SGPP2: variants seen among roughly 807,000 people sequenced by gnomAD.
The protein encoded by SGPP2 is sphingosine 1-phosphate phosphohydrolase 2.
In SGPP2, 30 loss-of-function variants were observed where a neutral mutation model predicts 33.9. The ratio of observed to expected loss-of-function variants is 0.89; its 90% CI spans 0.66 to 1.20. SGPP2 has a LOEUF of 1.20. Among genes scored for constraint, SGPP2 ranks in the 50% most tolerant of loss-of-function variants. The pLI, the probability that SGPP2 is intolerant of heterozygous loss-of-function variation, is 0.00. For missense variants in SGPP2, 458 were observed against 532.1 expected (o/e 0.86, Z 1.37); for synonymous variants, 233 against 225.0 (o/e 1.04, Z -0.32).
At chr2:222,519,742 T>C (rs1698655439) in intron 2 of SGPP2, among the ~76,000 whole-genome samples, 1 of 152,174 alleles carries the variant, frequency 6.6e-6, no homozygotes, top group Non-Finnish European at 1.5e-5. Flanking sequence ...GTTTAGCTCA[T>C]AGTTATAAGT....
Position 222,562,322 on chromosome 2 carries a change from ACAAGATATT to A in SGPP2, c.*3427_*3435del, listed in dbSNP as rs1435450958. 6.6e-6 allele frequency among the ~76,000 whole-genome samples: 1 copy of A among 152,220 alleles called. No homozygotes were observed. The highest frequency in any genetic ancestry group is 1.5e-5 in the Non-Finnish European group (1 of 68,034). ...CAGTTTTGCTCAAACCTGCACCGTC[ACAAGATATT>A]CAGAAGATGAAAACGTAGAAGACAC... On this transcript the variant is annotated 3_prime_UTR_variant, in exon 5 of 5. Transcript: ENST00000321276.
chr2:222,429,312 G>A (rs1285858475), intron 1 of SGPP2, among the ~76,000 whole-genome samples: 1 of 152,194 alleles, frequency 6.6e-6, no homozygotes, highest in African/African-American at 2.4e-5. Context: ...GTAGGAGGGT[G>A]GTGATGGCTG....
At chr2:222,528,010 C>T (rs1379104143) in intron 4 of SGPP2, among the ~76,000 whole-genome samples, 1 of 152,102 alleles carries the variant, frequency 6.6e-6, no homozygotes, top group Non-Finnish European at 1.5e-5. Flanking sequence ...GATTACCTGA[C>T]ATGATGATAT....
At chr2:222,508,544 C>A (rs111406664) in intron 2 of SGPP2, among the ~76,000 whole-genome samples, 14 of 152,314 alleles carry the variant, frequency 9.2e-5, no homozygotes, top group African/African-American at 3.1e-4. Flanking sequence ...TTTAACCCAA[C>A]TCCTTTCTTA....
chr2:222,424,424 C>CG (rs1411699376), upstream of SGPP2: 2 of 215,510 alleles, frequency 9.3e-6, no homozygotes, highest in Admixed American at 1.2e-4. Flanking sequence ...AAGGTGGAGG[C>CG]AGACACCTGG....
At chr2:222,456,868 AC>A (rs1697581520) in intron 1 of SGPP2, among the ~76,000 whole-genome samples, 1 of 152,208 alleles carries the variant, frequency 6.6e-6, no homozygotes, top group Non-Finnish European at 1.5e-5. Flanking sequence ...CTCCTGCTCC[AC>A]TTGTGGGTTG....
chr2:222,503,014 A>T (rs1698390625), intron 2 of SGPP2, among the ~76,000 whole-genome samples: 1 of 152,184 alleles, frequency 6.6e-6, no homozygotes, highest in South Asian at 2.1e-4. Context: ...TAACTGGTTT[A>T]TTTCTAATTG....
At chr2:222,487,307 G>A (rs1415660250) in intron 2 of SGPP2, among the ~76,000 whole-genome samples, 1 of 152,180 alleles carries the variant, frequency 6.6e-6, no homozygotes, top group Non-Finnish European at 1.5e-5. Flanking sequence ...GGAGGACATA[G>A]CCAGGTTGGG....
intron 2 of SGPP2, among the ~76,000 whole-genome samples, chr2:222,499,355 A>G (rs529678284): frequency 2.6e-5 from 4 of 152,320 alleles, no homozygotes; most frequent in East Asian, 1.9e-4. Flanking sequence ...TGGAAAATCA[A>G]TGGCTCCCTG....
intron 2 of SGPP2, among the ~76,000 whole-genome samples, chr2:222,517,131 C>T (rs1698615284): frequency 6.6e-6 from 1 of 152,172 alleles, no homozygotes; most frequent in Non-Finnish European, 1.5e-5. Flanking sequence ...AACCATCTTC[C>T]TTTTGATACA....
chr2:222,560,357 C>G lies in SGPP2; in HGVS notation c.*1459C>G, dbSNP rs1263619524. 1 of 152,284 alleles carries G rather than the reference C, an allele frequency of 6.6e-6. No homozygotes were observed. The highest frequency in any genetic ancestry group is 1.9e-4 in the East Asian group (1 of 5,190). 9.4% of individuals were successfully genotyped at this position (152,284 alleles called of 1,614,324 possible). On this transcript the variant is annotated 3_prime_UTR_variant, in exon 5 of 5. Coordinates refer to ENST00000321276, the MANE Select transcript of SGPP2 (RefSeq NM_152386.4). ...TAGAATCAGGCGCCCTTTTTGTCTT[C>G]CCACCTCTTATCTCTTGGCAATTTT...
intron 2 of SGPP2, among the ~76,000 whole-genome samples, chr2:222,475,949 G>A: frequency 6.6e-6 from 1 of 152,190 alleles, no homozygotes; most frequent in Non-Finnish European, 1.5e-5. Context: ...CAGAGCTCTA[G>A]GCCTGGCATG....
chr2:222,521,588 A>G (rs1251149764), intron 2 of SGPP2, among the ~76,000 whole-genome samples, 179 bp from the exon 3 acceptor site: 1 of 152,234 alleles, frequency 6.6e-6, no homozygotes, highest in African/African-American at 2.4e-5. Context: ...GGAATCCAGA[A>G]AGTCTGTTTT....
chr2:222,508,451 A>G (rs1698478202), intron 2 of SGPP2, among the ~76,000 whole-genome samples: 2 of 152,212 alleles, frequency 1.3e-5, no homozygotes, highest in Admixed American at 1.3e-4. Context: ...TATCTGTAAA[A>G]TAAGGATGAT....
At chr2:222,522,187 A>G (rs1229229798) in intron 3 of SGPP2, among the ~76,000 whole-genome samples, 1 of 152,258 alleles carries the variant, frequency 6.6e-6, no homozygotes, top group Non-Finnish European at 1.5e-5. Context: ...TAATGACACC[A>G]GGACAACTAG....
At chr2:222,463,376 G>T (rs1017198126) in intron 1 of SGPP2, among the ~76,000 whole-genome samples, 1 of 152,148 alleles carries the variant, frequency 6.6e-6, no homozygotes, top group African/African-American at 2.4e-5. Context: ...TATAATCTCA[G>T]CATTTTGGGA....
At chr2:222,455,128 G>C (rs1697551971) in intron 1 of SGPP2, among the ~76,000 whole-genome samples, 1 of 152,016 alleles carries the variant, frequency 6.6e-6, no homozygotes, top group South Asian at 2.1e-4. Flanking sequence ...CCAGCTACTT[G>C]GGAGGCCAAG....
At chr2:222,490,210 T>C (rs1461586945) in intron 2 of SGPP2, among the ~76,000 whole-genome samples, 1 of 152,108 alleles carries the variant, frequency 6.6e-6, no homozygotes, top group Non-Finnish European at 1.5e-5. Flanking sequence ...TATGTCACCT[T>C]TAAGATTAAA....
chr2:222,452,287 C>A, intron 1 of SGPP2: 1 of 537,582 alleles, frequency 1.9e-6, no homozygotes. Flanking sequence ...ATAATGGAAA[C>A]CAGAACATGT....
Sources: allele counts gnomAD v4.1 joint callset (sites outside exome capture counted in the v4.1 genomes callset), GRCh38; gene constraint gnomAD v4.1.1; transcripts MANE v1.5; gene names NCBI Gene and HGNC (gene_info 2026-07-23, HGNC 2026-07-21).